AUTS2: variants seen among roughly 807,000 people sequenced by gnomAD.
AUTS2 encodes the protein autism susceptibility gene 2 protein.
A neutral mutation model predicts 112.4 loss-of-function variants in AUTS2; 17 were observed. That is an observed-to-expected ratio of 0.15 (90% CI 0.10 to 0.23). The LOEUF (loss-of-function observed/expected upper bound fraction) is 0.23, where lower values mean the gene tolerates loss of function less well. Among genes scored for constraint, AUTS2 ranks in the 10% least tolerant of loss-of-function variants. AUTS2 has a pLI of 1.00. For synonymous variants in AUTS2, 751 were observed against 702.7 expected, an observed-to-expected ratio of 1.07 and a Z score of -1.09; for missense variants, 1,510 against 1,701.6, an observed-to-expected ratio of 0.89 and a Z score of 1.98.
intron 6 of AUTS2, among the ~76,000 whole-genome samples, chr7:70,713,539 G>A (rs558439096): frequency 4.6e-5 from 7 of 152,174 alleles, no homozygotes; most frequent in African/African-American, 1.2e-4. Flanking sequence ...AAAACTAGTT[G>A]TGTTAAAGTA....
chr7:70,784,897 G>GTTGGCTT, intron 15 of AUTS2, 45 bp from the exon 16 acceptor site: 2 of 1,591,010 alleles, frequency 1.3e-6, no homozygotes, highest in Non-Finnish European at 1.7e-6. Flanking sequence ...CATCTTCGAA[G>GTTGGCTT]TTGGCTTTTT....
chr7:69,918,952 C>A (rs939209901), intron 2 of AUTS2, among the ~76,000 whole-genome samples: 20 of 152,014 alleles, frequency 1.3e-4, no homozygotes, highest in African/African-American at 4.6e-4. Context: ...TCTTTATATT[C>A]CTGTCCATTT....
intron 1 of AUTS2, among the ~76,000 whole-genome samples, chr7:69,717,962 A>G (rs1349388401): frequency 2.0e-5 from 3 of 152,210 alleles, no homozygotes; most frequent in African/African-American, 7.2e-5. Flanking sequence ...CAAAGATTTC[A>G]TCTGAACTTT....
intron 5 of AUTS2, among the ~76,000 whole-genome samples, chr7:70,488,150 TGC>T (rs1380343133): frequency 6.6e-6 from 1 of 152,220 alleles, no homozygotes; most frequent in Non-Finnish European, 1.5e-5. Context: ...CAGGCTGCAG[TGC>T]CAGACCTGCA....
chr7:70,532,980 G>A (rs1800157538), intron 5 of AUTS2, among the ~76,000 whole-genome samples: 1 of 152,164 alleles, frequency 6.6e-6, no homozygotes, highest in South Asian at 2.1e-4. Flanking sequence ...CATTCTTGTA[G>A]TTGTGGATGG....
At chr7:70,167,379 A>G (rs1808439497) in intron 4 of AUTS2, among the ~76,000 whole-genome samples, 1 of 152,188 alleles carries the variant, frequency 6.6e-6, no homozygotes. Flanking sequence ...TCATCAAGAA[A>G]AAGGCCTATG....
At chr7:70,007,983 G>T (rs1799622048) in intron 2 of AUTS2, among the ~76,000 whole-genome samples, 1 of 151,946 alleles carries the variant, frequency 6.6e-6, no homozygotes, top group South Asian at 2.1e-4. Flanking sequence ...GATTGATTGG[G>T]CATTTTCCAT....
intron 1 of AUTS2, among the ~76,000 whole-genome samples, chr7:69,665,785 A>G (rs112820962): frequency 1.3e-3 from 192 of 151,904 alleles, no homozygotes; most frequent in African/African-American, 4.1e-3. Context: ...ACAGGTTGCC[A>G]TATTTGCCAG....
chr7:69,635,615 C>T (rs1794483877), intron 1 of AUTS2, among the ~76,000 whole-genome samples: 1 of 152,158 alleles, frequency 6.6e-6, no homozygotes, highest in South Asian at 2.1e-4. Flanking sequence ...CACTGATTTG[C>T]TCATCTCAGA....
chr7:70,315,664 A>G (rs1330696780), intron 4 of AUTS2, among the ~76,000 whole-genome samples: 1 of 152,114 alleles, frequency 6.6e-6, no homozygotes, highest in Admixed American at 6.5e-5. Context: ...CTCCTTCCCC[A>G]ACTTGGCTTG....
At chr7:70,045,027 C>T (rs566683576) in intron 2 of AUTS2, among the ~76,000 whole-genome samples, 239 of 151,794 alleles carry the variant, frequency 1.6e-3, no homozygotes, top group African/African-American at 5.7e-3. Context: ...GAAAGTGTTA[C>T]CGGACCTATT....
intron 1 of AUTS2, among the ~76,000 whole-genome samples, chr7:69,814,589 C>T (rs1431386353): frequency 1.3e-5 from 2 of 152,248 alleles, no homozygotes; most frequent in East Asian, 3.8e-4. Flanking sequence ...GCCGCTCTAA[C>T]CCAGTGTACT....
chr7:70,775,439 G>C, intron 13 of AUTS2, 53 bp downstream of exon 13: 2 of 1,409,778 alleles, frequency 1.4e-6, no homozygotes, highest in East Asian at 2.3e-5. Flanking sequence ...ACTCCCTGTG[G>C]GTTAAAAATA....
intron 1 of AUTS2, among the ~76,000 whole-genome samples, chr7:69,866,837 T>G (rs1793257717): frequency 6.6e-6 from 1 of 152,216 alleles, no homozygotes; most frequent in Admixed American, 6.5e-5. Flanking sequence ...GGGTTGTGGT[T>G]TGCCCAGCAA....
intron 4 of AUTS2, among the ~76,000 whole-genome samples, chr7:70,365,131 A>G (rs1410937023): frequency 6.6e-6 from 1 of 152,222 alleles, no homozygotes; most frequent in Non-Finnish European, 1.5e-5. Context: ...TCTCTGCAGA[A>G]AAGATATTTG....
At chr7:69,982,127 A>T (rs1403409743) in intron 2 of AUTS2, among the ~76,000 whole-genome samples, 1 of 152,246 alleles carries the variant, frequency 6.6e-6, no homozygotes, top group African/African-American at 2.4e-5. Context: ...CCTTTTGAGA[A>T]ATGGTCCTGA....
At chr7:70,623,366 CTT>C (rs1804774282) in intron 5 of AUTS2, among the ~76,000 whole-genome samples, 2 of 152,188 alleles carry the variant, frequency 1.3e-5, no homozygotes, top group African/African-American at 4.8e-5. Flanking sequence ...TTTTATGAAA[CTT>C]TGCAAACCAA....
intron 5 of AUTS2, among the ~76,000 whole-genome samples, chr7:70,561,081 A>G (rs1253689241): frequency 6.6e-6 from 1 of 152,226 alleles, no homozygotes. Flanking sequence ...TTGGAAGAGA[A>G]GTTCCAAAGC....
intron 6 of AUTS2, among the ~76,000 whole-genome samples, chr7:70,718,273 G>C (rs568901677): frequency 1.3e-5 from 2 of 152,102 alleles, no homozygotes; most frequent in Admixed American, 6.5e-5. Context: ...CTCCATCCCA[G>C]TTCACCTTTT....
Sources: gnomAD v4.1 joint callset for allele counts (sites outside exome capture counted in the v4.1 genomes callset) on GRCh38, gnomAD v4.1.1 for gene constraint, MANE v1.5 for transcripts, NCBI Gene and HGNC (gene_info 2026-07-23, HGNC 2026-07-21) for gene names.